IDH3G: variants seen among roughly 807,000 people sequenced by gnomAD.
The protein encoded by IDH3G is isocitrate dehydrogenase (NAD(+)) 3 non-catalytic subunit gamma.
In IDH3G, 9 loss-of-function variants were observed where a neutral mutation model predicts 26.9. That is an observed-to-expected ratio of 0.34 (90% CI 0.20 to 0.58). IDH3G has a LOEUF of 0.58. Among genes scored for constraint, IDH3G ranks in the 20% least tolerant of loss-of-function variants. The pLI, the probability that IDH3G is intolerant of heterozygous loss-of-function variation, is 0.85. For missense variants in IDH3G, 250 were observed against 372.8 expected, an observed-to-expected ratio of 0.67 and a Z score of 2.71; for synonymous variants, 181 against 160.0, an observed-to-expected ratio of 1.13 and a Z score of -0.99.
chrX:153,793,647 T>C (rs1344227529), intron 1 of IDH3G: 1 of 111,603 alleles, frequency 9.0e-6, no homozygotes, highest in Non-Finnish European at 1.9e-5. Flanking sequence ...TCTTCTTAAA[T>C]AAGTGTAAGG....
intron 7 of IDH3G, 84 bp downstream of exon 7, chrX:153,787,739 T>TA: frequency 8.7e-7 from 1 of 1,145,538 alleles, no homozygotes. Flanking sequence ...CCCTGCCCTC[T>TA]AAGGGTACAC....
chrX:153,786,144 G>A, intron 12 of IDH3G, 68 bp downstream of exon 12: 1 of 1,201,802 alleles, frequency 8.3e-7, no homozygotes, highest in Admixed American at 2.2e-5. Flanking sequence ...AGTGCATGAG[G>A]CGGGCTACAG....
At position 153,786,451 on chromosome X, in the gene IDH3G, T is replaced by C; in HGVS notation, c.925-2A>G. 8.5e-7 allele frequency: 1 copy of C among 1,170,131 alleles called. No individual in the cohort carries two copies. The highest frequency in any genetic ancestry group is 1.2e-6 in the Non-Finnish European group (1 of 869,344). Reference sequence around the variant, plus strand: ...ACTCTTGCCGGTGTTCCTCGTAGCCTGGGGAGGCAAGACGAAGGAGAGTGG... The same window carrying C: ...ACTCTTGCCGGTGTTCCTCGTAGCCCGGGGAGGCAAGACGAAGGAGAGTGG... On this transcript the variant is annotated splice_acceptor_variant, in intron 10 of 12. Coordinates refer to ENST00000217901, the MANE Select transcript of IDH3G (RefSeq NM_004135.4). LOFTEE classifies it high-confidence loss of function.
chrX:153,787,242 G>A (rs2092092447), intron 8 of IDH3G, 89 bp from the exon 9 acceptor site: 1 of 798,060 alleles, frequency 1.3e-6, no homozygotes. Context: ...CAGGAGGCTG[G>A]GGTCTGAATT....
In IDH3G at chrX:153,787,819, A is replaced by C. The variant is rs1557069570; in HGVS notation, c.540+4T>G. 8.3e-7 allele frequency: 1 copy of C among 1,204,621 alleles called. No homozygotes were observed. The highest frequency in any genetic ancestry group is 3.0e-5 in the East Asian group (1 of 33,609). On this transcript the variant is annotated splice_donor_region_variant and intron_variant, in intron 7 of 12. Coordinates refer to ENST00000217901, the MANE Select transcript of IDH3G (RefSeq NM_004135.4). ...GGGGCTCATCTCGGGCCCCCCATGC[A>C]CACCTCATGCTCCAGGCTGCTGTAC...
intron 6 of IDH3G, 37 bp downstream of exon 6, chrX:153,788,037 GC>G: frequency 2.5e-6 from 3 of 1,209,263 alleles, no homozygotes; most frequent in Admixed American, 2.2e-5. Context: ...CCCCACCTTA[GC>G]CCCACCAAGC....
At chrX:153,786,733 G>A in intron 10 of IDH3G, 68 bp downstream of exon 10, 1 of 1,119,612 alleles carries the variant, frequency 8.9e-7, no homozygotes, top group East Asian at 3.0e-5. Context: ...CGGATGGGAT[G>A]AGTGTGCCTC....
In IDH3G at chrX:153,787,104, G is replaced by A. The variant is rs782057230; in HGVS notation, c.724C>T (p.Arg242Cys). 21 of 1,209,470 alleles carry A rather than the reference G, an allele frequency of 1.7e-5. No individual in the cohort carries two copies. The highest frequency in any genetic ancestry group is 8.8e-5 in the South Asian group (5 of 56,849). Residue 242 changes from arginine to cysteine, a missense_variant, in exon 9 of 13, where the codon CGC becomes TGC. By Grantham distance (180) the Arg-to-Cys change is radical. Around this residue, in one of 2 missense-constraint regions of IDH3G, gnomAD observed 201 missense variants for 331.3 expected, o/e 0.61. Transcript: ENST00000217901. Reference protein sequence around the residue: ...FLQCCREVAARYPQITFENMI... With the variant: ...FLQCCREVAACYPQITFENMI... Reference sequence around the variant, plus strand: ...TTCTCGAAGGTGATCTGAGGGTAGCGGGCTGCCACCTCCCTGCAGCACTGG... The same window carrying A: ...TTCTCGAAGGTGATCTGAGGGTAGCAGGCTGCCACCTCCCTGCAGCACTGG...
At chrX:153,787,752 G>A (rs975040670) in intron 7 of IDH3G, 71 bp downstream of exon 7, 8 of 1,153,373 alleles carry the variant, frequency 6.9e-6, no homozygotes, top group Non-Finnish European at 9.4e-6. Context: ...GGGTACACCT[G>A]TCCCTGGTTC....
intron 1 of IDH3G, among the ~76,000 whole-genome samples, chrX:153,791,909 C>T (rs1043212090): frequency 1.2e-4 from 13 of 112,547 alleles, no homozygotes; most frequent in African/African-American, 4.2e-4. Context: ...ATCTGTGTGG[C>T]ACCTGGATCT....
chrX:153,791,927 C>A (rs1557070592), intron 1 of IDH3G, among the ~76,000 whole-genome samples: 1 of 112,593 alleles, frequency 8.9e-6, no homozygotes. Flanking sequence ...TCTGCAAGCA[C>A]AGGCACGGTC....
intron 7 of IDH3G, 26 bp downstream of exon 7, chrX:153,787,797 G>A: frequency 2.5e-6 from 3 of 1,195,062 alleles, no homozygotes; most frequent in Non-Finnish European, 3.4e-6. Context: ...CGCTGGGGGG[G>A]CTCATCTCGG....
chrX:153,785,858 G>A lies in IDH3G; in HGVS notation c.*14C>T. 1 of 1,209,437 alleles carries A rather than the reference G, an allele frequency of 8.3e-7. No homozygotes were observed. Among genetic ancestry groups the A allele is most frequent in the Non-Finnish European group, 1.1e-6 (1 of 894,127 alleles). On this transcript the variant is annotated 3_prime_UTR_variant, in exon 13 of 13. Transcript: ENST00000217901. ...GGAATCCAAGGAGCAAACCAAGAAG[G>A]TCCTAGGGCCAGCCTAGGCCTCCAC... is the stretch of plus-strand genomic sequence containing the variant.
At chrX:153,789,043 G>A (rs2092099308) in intron 5 of IDH3G, 3 of 332,994 alleles carry the variant, frequency 9.0e-6, no homozygotes, top group Admixed American at 3.2e-5. Context: ...TGTCTCAGGA[G>A]GGAAGGAGGG....
Position 153,786,951 on chromosome X carries a change from C to A in IDH3G, c.778-4G>T. On this transcript the variant is annotated splice_polypyrimidine_tract_variant and splice_region_variant and intron_variant, in intron 9 of 12. Coordinates refer to ENST00000217901, the MANE Select transcript of IDH3G (RefSeq NM_004135.4). ...ACTGCTGGGGCCGGGACACCAGCTG[C>A]GGGACAAGGAGGGGGCTGGCTGAGG... The A allele has an allele frequency of 1.7e-6, 2 of 1,207,414 alleles. No homozygotes were observed. Among genetic ancestry groups the A allele is most frequent in the Non-Finnish European group, 2.2e-6 (2 of 892,440 alleles).
chrX:153,793,209 A>T (rs2092116783), intron 1 of IDH3G, among the ~76,000 whole-genome samples: 1 of 111,600 alleles, frequency 9.0e-6, no homozygotes, highest in Non-Finnish European at 1.9e-5. Flanking sequence ...GTCTTCACCA[A>T]GAGCCTACAG....
At chrX:153,789,877 C>T in intron 4 of IDH3G, 53 bp from the exon 5 acceptor site, 1 of 837,444 alleles carries the variant, frequency 1.2e-6, no homozygotes, top group Admixed American at 2.6e-5. Flanking sequence ...GCACCTCCTC[C>T]AGGAAGCCTG....
Position 153,790,406 on chromosome X carries a change from GC to G in IDH3G, c.136-115del, listed in dbSNP as rs2092104987. The G allele has an allele frequency of 6.9e-6, 6 of 872,824 alleles. No homozygotes were observed. In the East Asian group the frequency reaches 1.9e-4, roughly 28 times the overall value. 71.9% of individuals were successfully genotyped at this position (872,824 alleles called of 1,213,427 possible). ...CCCACTGGCGCTGACCCCACAGGCT[GC>G]CCCGTCACAAGGTGCCAACTTGGGG... is the stretch of plus-strand genomic sequence containing the variant. On this transcript the variant is annotated intron_variant, in intron 3 of 12. Coordinates refer to ENST00000217901, the MANE Select transcript of IDH3G (RefSeq NM_004135.4).
At position 153,787,589 on chromosome X, in the gene IDH3G, C is replaced by T. The variant is rs782554858; in HGVS notation, c.549G>A (p.Ala183=). 7 of 1,210,916 alleles carry T rather than the reference C, an allele frequency of 5.8e-6. No homozygotes were observed. Among genetic ancestry groups the T allele is most frequent in the East Asian group, 3.0e-5 (1 of 33,822 alleles). The change falls in exon 8 of 13, where the codon GCG becomes GCA. Residue 183 remains alanine, a synonymous_variant. Coordinates refer to ENST00000217901, the MANE Select transcript of IDH3G (RefSeq NM_004135.4). ...EYSSLEHESV[A]GVVESLKIIT... ...TGATCTTCAGGCTCTCCACCACTCC[C>T]GCCACACTCTGAGGAGGGCATGGGG... is the stretch of plus-strand genomic sequence containing the variant.
Sources: gnomAD v4.1 joint callset for allele counts (sites outside exome capture counted in the v4.1 genomes callset) on GRCh38, gnomAD v4.1.1 for gene constraint, gnomAD v4.1.1 regional missense constraint, MANE v1.5 for transcripts, NCBI Gene and HGNC (gene_info 2026-07-23, HGNC 2026-07-21) for gene names.